Variants in RAD51B observed in about 807,000 individuals in gnomAD.
RAD51B encodes DNA repair protein RAD51 homolog 2.
RAD51B carries 38 observed loss-of-function variants against 42.2 expected under a neutral mutation model. The observed-to-expected ratio is 0.90, with a 90% CI of 0.70 to 1.18. The LOEUF (loss-of-function observed/expected upper bound fraction) is 1.18. Among genes scored for constraint, RAD51B ranks in the 50% most tolerant of loss-of-function variants. RAD51B has a pLI of 0.00. For missense variants in RAD51B, 373 were observed against 400.7 expected (o/e 0.93, Z 0.59); for synonymous variants, 154 against 145.2 (o/e 1.06, Z -0.43).
intron 7 of RAD51B, among the ~76,000 whole-genome samples, chr14:68,079,270 C>T (rs1010754442): frequency 4.6e-5 from 7 of 152,166 alleles, no homozygotes; most frequent in African/African-American, 1.7e-4. Context: ...TCAATCAAAA[C>T]TTCTGCAGGT....
intron 5 of RAD51B, among the ~76,000 whole-genome samples, chr14:67,872,314 A>G (rs2042563878): frequency 1.5e-5 from 1 of 68,222 alleles, no homozygotes; most frequent in East Asian, 3.7e-4. Context: ...AGAGAGCCAA[A>G]TCATGAGTGA....
chr14:68,541,200 C>T, intron 10 of RAD51B: 1 of 985,436 alleles, frequency 1.0e-6, no homozygotes, highest in Non-Finnish European at 1.2e-6. Flanking sequence ...CAGATCCTTT[C>T]TCTGCTCAGC....
At chr14:68,497,623 T>C (rs1187476532) in intron 10 of RAD51B, 1 of 747,308 alleles carries the variant, frequency 1.3e-6, no homozygotes, top group Non-Finnish European at 1.7e-6. Context: ...CATCTCTGTC[T>C]AGTTCCAAAT....
rs755747240 is a variant in RAD51B at position 68,468,223 on chromosome 14, A to G, written c.1009A>G (p.Ile337Val). The G allele has an allele frequency of 1.9e-6, 3 of 1,613,842 alleles. No homozygotes were observed. The highest frequency in any genetic ancestry group is 2.5e-6 in the Non-Finnish European group (3 of 1,179,858). Residue 337 changes from isoleucine to valine, a missense_variant, in exon 10 of 11, where the codon ATC becomes GTC. Transcript: ENST00000471583. Reference protein sequence around the residue: ...LAPFTSFVYTIKEEGLVLQGQ... With the variant: ...LAPFTSFVYTVKEEGLVLQGQ... The stretch of plus-strand genomic sequence containing the variant: ...TCCCTTCACCTCATTTGTCTACACC[A>G]TCAAGGAGGAAGGCCTGGTTCTTCA...
At chr14:68,598,237 C>CTCATTCAT (rs35551157), downstream of RAD51B, among the ~76,000 whole-genome samples, 12 of 151,504 alleles carry the variant, frequency 7.9e-5, no homozygotes, top group Non-Finnish European at 1.2e-4. Context: ...CAACTCAAAC[C>CTCATTCAT]TCATTCATTC....
intron 7 of RAD51B, among the ~76,000 whole-genome samples, chr14:68,224,786 C>G (rs1425691897): frequency 1.3e-5 from 2 of 152,040 alleles, no homozygotes; most frequent in African/African-American, 4.8e-5. Context: ...CCTCTACCTC[C>G]CAGGCTCAAG....
chr14:68,089,208 G>A (rs748233166), intron 7 of RAD51B, among the ~76,000 whole-genome samples: 7 of 151,978 alleles, frequency 4.6e-5, no homozygotes, highest in Admixed American at 6.6e-5. Flanking sequence ...CTTTGTTCAA[G>A]TTGCTTTTGG....
At chr14:68,250,166 TTATTTAAGA>T (rs1283169722) in intron 7 of RAD51B, among the ~76,000 whole-genome samples, 1 of 152,272 alleles carries the variant, frequency 6.6e-6, no homozygotes, top group African/African-American at 2.4e-5. Flanking sequence ...TCTGAATTAT[TTATTTAAGA>T]TATTTTTGCT....
intron 7 of RAD51B, among the ~76,000 whole-genome samples, chr14:67,960,742 C>A (rs553154950): frequency 6.6e-6 from 1 of 152,276 alleles, no homozygotes; most frequent in African/African-American, 2.4e-5. Flanking sequence ...AGTCATAGCT[C>A]ACTGCAGCCT....
At chr14:68,167,436 G>A (rs2078776211) in intron 7 of RAD51B, among the ~76,000 whole-genome samples, 1 of 152,094 alleles carries the variant, frequency 6.6e-6, no homozygotes, top group Admixed American at 6.5e-5. Flanking sequence ...CACGTATTTT[G>A]TGTATATCCT....
intron 10 of RAD51B, among the ~76,000 whole-genome samples, chr14:68,536,607 C>T (rs1887633727): frequency 6.6e-6 from 1 of 152,128 alleles, no homozygotes; most frequent in Non-Finnish European, 1.5e-5. Flanking sequence ...CTCAGGTTAT[C>T]CTTTGTAAAA....
chr14:68,511,988 C>T (rs1885761435), intron 10 of RAD51B, among the ~76,000 whole-genome samples: 1 of 152,226 alleles, frequency 6.6e-6, no homozygotes, highest in Admixed American at 6.5e-5. Context: ...TGGAATAAAA[C>T]AGACACATTT....
At chr14:68,518,313 C>G (rs1323114727) in intron 10 of RAD51B, among the ~76,000 whole-genome samples, 1 of 152,228 alleles carries the variant, frequency 6.6e-6, no homozygotes, top group Non-Finnish European at 1.5e-5. Flanking sequence ...GCACCCCACA[C>G]CTGACTGGGC....
At chr14:68,578,184 G>A (rs372966871) in intron 10 of RAD51B, among the ~76,000 whole-genome samples, 4 of 152,230 alleles carry the variant, frequency 2.6e-5, no homozygotes, top group African/African-American at 9.6e-5. Context: ...TCAGCACTTT[G>A]GGAGGCTGAG....
At chr14:68,591,352 C>T (rs531916676) in intron 10 of RAD51B, among the ~76,000 whole-genome samples, 46 of 152,302 alleles carry the variant, frequency 3.0e-4, no homozygotes, top group African/African-American at 1.1e-3. Context: ...GATTTGAGGA[C>T]ACCTCTTCTG....
At chr14:68,166,562 G>A (rs1329201523) in intron 7 of RAD51B, among the ~76,000 whole-genome samples, 2 of 152,094 alleles carry the variant, frequency 1.3e-5, no homozygotes, top group Non-Finnish European at 2.9e-5. Context: ...CTTCAAAAGT[G>A]TCTTCAATTT....
chr14:68,613,605 C>A (rs1030963766), downstream of RAD51B, among the ~76,000 whole-genome samples: 2 of 151,984 alleles, frequency 1.3e-5, no homozygotes, highest in African/African-American at 2.4e-5. Context: ...AGGAGCCCAC[C>A]ACCACACCCG....
At chr14:68,585,213 G>A (rs1236058722) in intron 10 of RAD51B, among the ~76,000 whole-genome samples, 1 of 152,156 alleles carries the variant, frequency 6.6e-6, no homozygotes, top group African/African-American at 2.4e-5. Context: ...AAAAGGCAGT[G>A]GTCACCTAGA....
chr14:68,159,720 C>G (rs1015189562), intron 7 of RAD51B, among the ~76,000 whole-genome samples: 4 of 151,918 alleles, frequency 2.6e-5, no homozygotes, highest in Non-Finnish European at 4.4e-5. Context: ...TGCTTTCTAA[C>G]CATTTACTAC....
Sources: allele counts gnomAD v4.1 joint callset (sites outside exome capture counted in the v4.1 genomes callset), GRCh38; gene constraint gnomAD v4.1.1; transcripts MANE v1.5; gene names NCBI Gene and HGNC (gene_info 2026-07-23, HGNC 2026-07-21).